The following MYO5C variants were observed in gnomAD, a reference collection of about 807,000 sequenced individuals.
The protein encoded by MYO5C is myosin VC, also known as unconventional myosin-Vc.
MYO5C carries 194 observed loss-of-function variants against 235.7 expected under a neutral mutation model. The ratio of observed to expected loss-of-function variants is 0.82; its 90% CI spans 0.73 to 0.93. The LOEUF (loss-of-function observed/expected upper bound fraction) is 0.93, where lower values mean the gene tolerates loss of function less well. MYO5C is among the 40% of genes least tolerant of loss of function. The pLI, the probability that MYO5C is intolerant of heterozygous loss-of-function variation, is 0.00. For synonymous variants in MYO5C, 707 were observed against 754.8 expected, an observed-to-expected ratio of 0.94 and a Z score of 1.04; for missense variants, 2,038 against 2,127.2, an observed-to-expected ratio of 0.96 and a Z score of 0.82.
At chr15:52,245,912 G>A in intron 17 of MYO5C, 44 bp downstream of exon 17, 1 of 1,542,464 alleles carries the variant, frequency 6.5e-7, no homozygotes, top group Non-Finnish European at 9.0e-7. Flanking sequence ...GCATAGCTCT[G>A]ATGTCAGGTA....
chr15:52,227,956 T>G (rs548287826), intron 25 of MYO5C, among the ~76,000 whole-genome samples: 2 of 152,246 alleles, frequency 1.3e-5, no homozygotes, highest in Non-Finnish European at 2.9e-5. Flanking sequence ...TCCAACTTAA[T>G]GATGAAATGT....
chr15:52,195,843 G>A lies in MYO5C; in HGVS notation c.4996-386C>T, dbSNP rs144218440. 2.1e-3 allele frequency among the ~76,000 whole-genome samples: 313 copies of A among 152,006 alleles called. 10 individuals carry two copies. Among genetic ancestry groups the A allele is most frequent in the East Asian group, 0.015 (76 of 5,172 alleles). On this transcript the variant is annotated intron_variant, in intron 39 of 40. Coordinates refer to ENST00000261839, the MANE Select transcript of MYO5C (RefSeq NM_018728.4). ...AGATAGGGTCTCCCTTTATTGCCCAGGCTGGGGTGCAGTGGCATGATCATG... is the reference window on the plus strand; with the variant it reads ...AGATAGGGTCTCCCTTTATTGCCCAAGCTGGGGTGCAGTGGCATGATCATG...
intron 23 of MYO5C, among the ~76,000 whole-genome samples, chr15:52,234,896 C>T (rs138093164): frequency 5.3e-5 from 8 of 152,282 alleles, no homozygotes; most frequent in East Asian, 3.9e-4. Context: ...CCTGAACCCT[C>T]GTGTTCCTGC....
At chr15:52,265,259 A>ACC (rs2036780568) in intron 8 of MYO5C, 1 of 152,314 alleles carries the variant, frequency 6.6e-6, no homozygotes, top group Non-Finnish European at 1.5e-5. Context: ...GCTAGAAAGG[A>ACC]CTGTGTTCAA....
chr15:52,214,740 A>AT (rs34638854), intron 32 of MYO5C, 50 bp from the exon 33 acceptor site: 246,368 of 968,028 alleles, frequency 0.25, 8,098 homozygotes, highest in East Asian at 0.42. Context: ...ACTTTAATCT[A>AT]TTTTTTTTTT....
At chr15:52,249,065 T>C (rs1014754768) in intron 13 of MYO5C, among the ~76,000 whole-genome samples, 4 of 152,252 alleles carry the variant, frequency 2.6e-5, no homozygotes, top group African/African-American at 9.6e-5. Context: ...CCCTGCGGTA[T>C]GTGCAGTTCC....
intron 38 of MYO5C, 30 bp from the exon 39 acceptor site, chr15:52,196,513 AC>A: frequency 3.1e-6 from 5 of 1,597,538 alleles, no homozygotes; most frequent in Non-Finnish European, 4.3e-6. Context: ...AACAGAGAAT[AC>A]TTTAGGGAAG....
chr15:52,205,823 C>T lies in MYO5C; in HGVS notation c.4530G>A (p.Pro1510=), dbSNP rs777096907. The part of the protein sequence containing the change: ...FIIIMEKNIQ[P]IIVPGMLEYE... ...CATCCATTCTCTTCTTACCTATTAT[C>T]GGTTGGATATTCTTTTCCATTATGA... Residue 1510 remains proline, a synonymous_variant, in exon 37 of 41, where the codon CCG becomes CCA. Transcript: ENST00000261839. 2 of 1,552,624 alleles carry T rather than the reference C, an allele frequency of 1.3e-6. No homozygotes were observed. The highest frequency in any genetic ancestry group is 1.8e-6 in the Non-Finnish European group (2 of 1,139,920).
chr15:52,232,608 A>T lies in MYO5C; in HGVS notation c.3026+14T>A. The stretch of plus-strand genomic sequence containing the variant: ...AAGAAAGAAAGTAGCTTTAAGGCAA[A>T]CTAGATTCCATACATTCTTTGCCGT... On this transcript the variant is annotated intron_variant, in intron 24 of 40. Transcript: ENST00000261839. The T allele has an allele frequency of 6.2e-7, 1 of 1,613,256 alleles. No individual in the cohort carries two copies. The highest frequency in any genetic ancestry group is 8.5e-7 in the Non-Finnish European group (1 of 1,179,352).
rs114330201 is a variant in MYO5C, at chr15:52,253,520, G to A, written c.1396-63C>T. On this transcript the variant is annotated intron_variant, in intron 11 of 40. Coordinates refer to ENST00000261839, the MANE Select transcript of MYO5C (RefSeq NM_018728.4). Reference sequence around the variant, plus strand: ...TATTAAAATACGTTTCCAAAGAGCAGGATGTAAGCATTTGGAAAATGTAAA... The same window carrying A: ...TATTAAAATACGTTTCCAAAGAGCAAGATGTAAGCATTTGGAAAATGTAAA... The A allele has an allele frequency of 1.1e-3, 1,567 of 1,456,952 alleles. 20 individuals carry two copies. The African/African-American group carries it at 0.02, about 19-fold the overall frequency. The allele number at this position is 1,456,952 out of a possible 1,614,324, so 90.3% of individuals were successfully genotyped here.
intron 10 of MYO5C, among the ~76,000 whole-genome samples, chr15:52,259,983 G>A (rs1057422986): frequency 6.6e-6 from 1 of 152,242 alleles, no homozygotes; most frequent in African/African-American, 2.4e-5. Flanking sequence ...ACTCCAGGAT[G>A]CCTTTCATGG....
chr15:52,213,371 T>A, intron 33 of MYO5C, 85 bp from the exon 34 acceptor site: 1 of 903,284 alleles, frequency 1.1e-6, no homozygotes, highest in Non-Finnish European at 1.8e-6. Context: ...TACCCCATTC[T>A]GGCTGGTTTG....
intron 36 of MYO5C, 95 bp downstream of exon 36, chr15:52,208,458 TG>T: frequency 9.1e-7 from 1 of 1,093,378 alleles, no homozygotes; most frequent in Non-Finnish European, 1.4e-6. Flanking sequence ...GTTGGCCTCC[TG>T]GTGGAGAGGA....
chr15:52,239,786 T>G lies in MYO5C; in HGVS notation c.2650A>C (p.Asn884His). 1 of 1,613,698 alleles carries G rather than the reference T, an allele frequency of 6.2e-7. No homozygotes were observed. The highest frequency in any genetic ancestry group is 2.2e-5 in the East Asian group (1 of 44,864). Reference sequence around the variant, plus strand: ...TGGACCCTGTAAGTAAGCTGAATATTAAGCACGAATCGTCGGATACTCTGG... The same window carrying G: ...TGGACCCTGTAAGTAAGCTGAATATGAAGCACGAATCGTCGGATACTCTGG... ...RFQSIRRFVL[N>H]IQLTYRVQRL... Residue 884 changes from asparagine (N) to histidine (H), a missense_variant, in exon 21 of 41, where the codon AAT (asparagine) becomes CAT (histidine). Coordinates refer to ENST00000261839, the MANE Select transcript of MYO5C (RefSeq NM_018728.4).
intron 18 of MYO5C, among the ~76,000 whole-genome samples, chr15:52,245,125 G>A (rs571083018): frequency 2.6e-5 from 4 of 152,364 alleles, no homozygotes; most frequent in East Asian, 1.9e-4. Flanking sequence ...AACAGGATAC[G>A]AGGACACTGG....
chr15:52,273,944 C>G (rs1448205382), intron 5 of MYO5C, among the ~76,000 whole-genome samples: 1 of 152,064 alleles, frequency 6.6e-6, no homozygotes, highest in African/African-American at 2.4e-5. Context: ...TTACTGCTTC[C>G]CTACTCAACC....
intron 14 of MYO5C, among the ~76,000 whole-genome samples, chr15:52,248,310 GT>G (rs1167758132): frequency 6.6e-6 from 1 of 151,826 alleles, no homozygotes; most frequent in East Asian, 1.9e-4. Flanking sequence ...CCCTGCTAAT[GT>G]TTTTTTATAT....
At chr15:52,256,599 G>GCGCGCGCC (rs1566982089) in intron 11 of MYO5C, 40 bp downstream of exon 11, 1 of 1,478,536 alleles carries the variant, frequency 6.8e-7, no homozygotes, top group Non-Finnish European at 9.2e-7. Context: ...GCGCGCGCGC[G>GCGCGCGCC]CGGCTGAGAA....
In MYO5C at chr15:52,247,457, C is replaced by G. The variant is rs1421077711; in HGVS notation, c.1881+1G>C. The G allele has an allele frequency of 1.2e-6, 2 of 1,613,946 alleles. No individual in the cohort carries two copies. Among genetic ancestry groups the G allele is most frequent in the African/African-American group, 2.7e-5 (2 of 74,920 alleles). On this transcript the variant is annotated splice_donor_variant, in intron 15 of 40. Transcript: ENST00000261839. LOFTEE classifies it high-confidence loss of function. The stretch of plus-strand genomic sequence containing the variant: ...CTCACTCTCAAACACCTTCTCAGTA[C>G]CTTGCTCCCAACTGTGGTCCGGAAA...
Sources: gnomAD v4.1 joint callset for allele counts (sites outside exome capture counted in the v4.1 genomes callset) on GRCh38, gnomAD v4.1.1 for gene constraint, MANE v1.5 for transcripts, NCBI Gene and HGNC (gene_info 2026-07-23, HGNC 2026-07-21) for gene names.